The following SETBP1 variants were observed in gnomAD, a reference collection of about 807,000 sequenced individuals.
SETBP1 encodes SET binding protein 1.
A neutral mutation model predicts 101.0 loss-of-function variants in SETBP1; 9 were observed. That is an observed-to-expected ratio of 0.09 (90% confidence interval 0.05 to 0.16). SETBP1 has a LOEUF of 0.16. SETBP1 is among the 10% of genes least tolerant of loss of function. SETBP1 has a pLI of 1.00. For synonymous variants in SETBP1, 818 were observed against 788.5 expected, an observed-to-expected ratio of 1.04 and a Z score of -0.63; for missense variants, 1,858 against 2,033.8, an observed-to-expected ratio of 0.91 and a Z score of 1.66.
intron 3 of SETBP1, among the ~76,000 whole-genome samples, chr18:44,882,103 A>C (rs2069543125): frequency 6.6e-6 from 1 of 152,122 alleles, no homozygotes; most frequent in Non-Finnish European, 1.5e-5. Flanking sequence ...CATACAGATC[A>C]TTTCACATAT....
intron 2 of SETBP1, among the ~76,000 whole-genome samples, chr18:44,704,949 A>G (rs1473814202): frequency 1.3e-5 from 2 of 152,278 alleles, no homozygotes; most frequent in East Asian, 1.9e-4. Context: ...GCTAGAAAGG[A>G]AGCCCTGTTA....
chr18:44,935,874 T>G (rs1388170091), intron 3 of SETBP1, among the ~76,000 whole-genome samples: 1 of 152,194 alleles, frequency 6.6e-6, no homozygotes, highest in African/African-American at 2.4e-5. Context: ...TACAGGTTTT[T>G]ACTGATAGGA....
intron 2 of SETBP1, among the ~76,000 whole-genome samples, chr18:44,828,675 G>T (rs2072290520): frequency 6.6e-6 from 1 of 152,228 alleles, no homozygotes; most frequent in African/African-American, 2.4e-5. Context: ...GGAGGAAATT[G>T]TGTTCCCTTC....
chr18:44,795,173 G>A (rs1185768052), intron 2 of SETBP1, among the ~76,000 whole-genome samples: 1 of 152,128 alleles, frequency 6.6e-6, no homozygotes, highest in Non-Finnish European at 1.5e-5. Flanking sequence ...CAGTTCCATG[G>A]ATATTTTCCC....
intron 2 of SETBP1, among the ~76,000 whole-genome samples, chr18:44,817,034 A>G (rs2071993847): frequency 6.6e-6 from 1 of 152,198 alleles, no homozygotes; most frequent in Admixed American, 6.5e-5. Flanking sequence ...GGGATCTCCA[A>G]GCTGGTACGG....
intron 1 of SETBP1, among the ~76,000 whole-genome samples, chr18:44,682,459 T>A (rs2068775085): frequency 6.6e-6 from 1 of 152,184 alleles, no homozygotes; most frequent in Non-Finnish European, 1.5e-5. Flanking sequence ...GTAGCTAGTT[T>A]ACCATCCCAG....
chr18:44,702,088 G>A (rs2069125847), intron 2 of SETBP1, among the ~76,000 whole-genome samples: 1 of 152,004 alleles, frequency 6.6e-6, no homozygotes, highest in South Asian at 2.1e-4. Context: ...TATATTATAT[G>A]TATTATATAC....
At chr18:45,048,978 CAAAAAA>C (rs71177665) in intron 5 of SETBP1, among the ~76,000 whole-genome samples, 62 of 46,654 alleles carry the variant, frequency 1.3e-3, no homozygotes, top group African/African-American at 3.3e-3. Flanking sequence ...GACTCCGTCT[CAAAAAA>C]AAAAAAAAAA....
chr18:44,954,916 A>G (rs2071449381), intron 4 of SETBP1, among the ~76,000 whole-genome samples: 1 of 152,192 alleles, frequency 6.6e-6, no homozygotes, highest in Non-Finnish European at 1.5e-5. Flanking sequence ...AAACTGATTC[A>G]TGGGACTTAC....
intron 4 of SETBP1, chr18:44,987,696 G>C (rs2072271229): frequency 6.6e-6 from 1 of 152,160 alleles, no homozygotes; most frequent in Admixed American, 6.5e-5. Context: ...AGATAAAGCA[G>C]TTTATTATCT....
intron 3 of SETBP1, among the ~76,000 whole-genome samples, chr18:44,931,576 G>A (rs906209164): frequency 6.6e-6 from 1 of 152,276 alleles, no homozygotes; most frequent in Admixed American, 6.5e-5. Flanking sequence ...GGGAGTCTAA[G>A]TCTCTTTGTA....
chr18:44,764,575 C>G (rs2070728268), intron 2 of SETBP1, among the ~76,000 whole-genome samples: 1 of 152,080 alleles, frequency 6.6e-6, no homozygotes, highest in Admixed American at 6.6e-5. Flanking sequence ...TGGGTTCAAG[C>G]AATTCTCCTG....
intron 4 of SETBP1, among the ~76,000 whole-genome samples, chr18:44,964,578 G>C (rs1221811314): frequency 7.1e-6 from 1 of 140,754 alleles, no homozygotes; most frequent in Non-Finnish European, 1.5e-5. Flanking sequence ...ATTTGAAAAC[G>C]TTTTTATTAT....
chr18:44,799,464 A>C (rs976352752), intron 2 of SETBP1, among the ~76,000 whole-genome samples: 41 of 152,072 alleles, frequency 2.7e-4, no homozygotes, highest in African/African-American at 9.9e-4. Flanking sequence ...TTACCTCCTA[A>C]AACTCATCTC....
At chr18:44,754,184 A>G (rs1482934757) in intron 2 of SETBP1, among the ~76,000 whole-genome samples, 1 of 152,170 alleles carries the variant, frequency 6.6e-6, no homozygotes, top group Non-Finnish European at 1.5e-5. Flanking sequence ...ATCACTCTGC[A>G]GGTTATTCCT....
At chr18:44,774,809 T>C (rs1307079939) in intron 2 of SETBP1, among the ~76,000 whole-genome samples, 2 of 152,282 alleles carry the variant, frequency 1.3e-5, no homozygotes, top group Middle Eastern at 3.4e-3. Flanking sequence ...TCGACCCTCA[T>C]TGAGACAAAT....
intron 4 of SETBP1, among the ~76,000 whole-genome samples, chr18:44,968,296 G>T (rs1363245971): frequency 6.6e-6 from 1 of 152,114 alleles, no homozygotes; most frequent in Non-Finnish European, 1.5e-5. Context: ...GAACAAGAAA[G>T]ATAAAAGATA....
At chr18:44,772,869 A>G (rs2070906290) in intron 2 of SETBP1, among the ~76,000 whole-genome samples, 1 of 152,238 alleles carries the variant, frequency 6.6e-6, no homozygotes, top group African/African-American at 2.4e-5. Flanking sequence ...AGATCTTAAC[A>G]TGATTCCTCC....
At chr18:44,776,152 A>G (rs370024803) in intron 2 of SETBP1, among the ~76,000 whole-genome samples, 1 of 152,206 alleles carries the variant, frequency 6.6e-6, no homozygotes, top group Non-Finnish European at 1.5e-5. Flanking sequence ...TACTGTGGAC[A>G]GGCAGTTGAG....
Sources: gnomAD v4.1 joint callset for allele counts (sites outside exome capture counted in the v4.1 genomes callset) on GRCh38, gnomAD v4.1.1 for gene constraint, MANE v1.5 for transcripts, NCBI Gene and HGNC (gene_info 2026-07-23, HGNC 2026-07-21) for gene names.